Variants in ITGA9 observed in about 807,000 individuals in gnomAD.
ITGA9 encodes the protein integrin alpha-9.
A neutral mutation model predicts 127.8 loss-of-function variants in ITGA9; 56 were observed. The ratio of observed to expected loss-of-function variants is 0.44; its 90% confidence interval spans 0.35 to 0.55. The LOEUF (loss-of-function observed/expected upper bound fraction) is 0.55. ITGA9 is among the 20% of genes least tolerant of loss of function. The pLI, the probability that ITGA9 is intolerant of heterozygous loss-of-function variation, is 0.00. For missense variants in ITGA9, 1,196 were observed against 1,347.1 expected, an observed-to-expected ratio of 0.89 and a Z score of 1.76; for synonymous variants, 508 against 514.5, an observed-to-expected ratio of 0.99 and a Z score of 0.17.
chr3:37,485,729 A>G (rs1285645305), intron 4 of ITGA9, among the ~76,000 whole-genome samples: 2 of 152,192 alleles, frequency 1.3e-5, no homozygotes, highest in Non-Finnish European at 2.9e-5. Context: ...GCACTAGGAC[A>G]TGGCTTCTCA....
chr3:37,544,261 A>G (rs770166892), intron 15 of ITGA9, among the ~76,000 whole-genome samples: 4 of 152,124 alleles, frequency 2.6e-5, no homozygotes, highest in Non-Finnish European at 4.4e-5. Context: ...GGCTGTTTCT[A>G]TGGTGGCCCT....
intron 27 of ITGA9, among the ~76,000 whole-genome samples, chr3:37,816,256 G>A (rs1697431426): frequency 6.6e-6 from 1 of 152,174 alleles, no homozygotes; most frequent in Admixed American, 6.5e-5. Context: ...AGAGTCCTAA[G>A]ACAAATGCAG....
chr3:37,494,171 G>A (rs554055362), intron 4 of ITGA9, among the ~76,000 whole-genome samples: 2 of 152,300 alleles, frequency 1.3e-5, no homozygotes, highest in East Asian at 3.9e-4. Context: ...GGGCCTGCAA[G>A]GGATCTCTGT....
At chr3:37,567,497 T>A (rs1699559190) in intron 15 of ITGA9, among the ~76,000 whole-genome samples, 1 of 151,990 alleles carries the variant, frequency 6.6e-6, no homozygotes, top group Non-Finnish European at 1.5e-5. Context: ...TCCCCCAAAG[T>A]CTTAACTCAT....
chr3:37,594,235 T>C (rs1458532687), intron 15 of ITGA9, among the ~76,000 whole-genome samples: 2 of 152,182 alleles, frequency 1.3e-5, no homozygotes, highest in African/African-American at 4.8e-5. Context: ...CCTGCCTGAC[T>C]GGCAGTCTTC....
intron 5 of ITGA9, among the ~76,000 whole-genome samples, chr3:37,495,397 TCTTA>T (rs1698717465): frequency 6.6e-6 from 1 of 152,252 alleles, no homozygotes; most frequent in Non-Finnish European, 1.5e-5. Flanking sequence ...CTTGTGTCAT[TCTTA>T]CTTACTGTAA....
intron 15 of ITGA9, among the ~76,000 whole-genome samples, chr3:37,546,050 A>G (rs1699323328): frequency 1.3e-5 from 2 of 152,018 alleles, no homozygotes; most frequent in African/African-American, 4.8e-5. Context: ...TTTCTTTCAT[A>G]TTTTTCTCTT....
intron 17 of ITGA9, among the ~76,000 whole-genome samples, chr3:37,670,487 C>G (rs11129769): frequency 0.011 from 1,718 of 152,276 alleles, 40 homozygotes; most frequent in African/African-American, 0.039. Flanking sequence ...TTTGTTTTCA[C>G]TAACTTCACA....
intron 16 of ITGA9, among the ~76,000 whole-genome samples, chr3:37,650,524 T>C (rs1479880475): frequency 6.6e-6 from 1 of 152,084 alleles, no homozygotes; most frequent in Non-Finnish European, 1.5e-5. Flanking sequence ...CTCTCTCTCC[T>C]GGGTTCAAGC....
At chr3:37,513,556 A>T (rs2125577252) in intron 8 of ITGA9, among the ~76,000 whole-genome samples, 1 of 151,984 alleles carries the variant, frequency 6.6e-6, no homozygotes, top group East Asian at 1.9e-4. Context: ...ATTTAACATT[A>T]GGTATATCTC....
chr3:37,722,901 T>A (rs553543123), intron 18 of ITGA9, among the ~76,000 whole-genome samples: 2 of 152,342 alleles, frequency 1.3e-5, no homozygotes, highest in South Asian at 4.1e-4. Flanking sequence ...AGGCTGCTTT[T>A]CAAAGCCACT....
intron 23 of ITGA9, among the ~76,000 whole-genome samples, chr3:37,775,170 G>T (rs1696891579): frequency 6.6e-6 from 1 of 152,134 alleles, no homozygotes; most frequent in South Asian, 2.1e-4. Context: ...ACTTAAATTT[G>T]CAAGAATAAA....
chr3:37,470,130 GT>G (rs1308866415), intron 1 of ITGA9, among the ~76,000 whole-genome samples: 1 of 110,324 alleles, frequency 9.1e-6, no homozygotes, highest in Non-Finnish European at 1.8e-5. Flanking sequence ...GGGCCTTTAG[GT>G]TTCTTCTTGT....
chr3:37,750,676 A>C (rs1258297393), intron 23 of ITGA9, 107 bp downstream of exon 23: 1 of 811,788 alleles, frequency 1.2e-6, no homozygotes, highest in East Asian at 2.5e-5. Flanking sequence ...TGGAAAATTC[A>C]ACTCATTCTA....
chr3:37,507,419 A>G (rs1258100326), intron 7 of ITGA9, among the ~76,000 whole-genome samples: 1 of 152,128 alleles, frequency 6.6e-6, no homozygotes, highest in Non-Finnish European at 1.5e-5. Context: ...CCCTAATTGC[A>G]GAAAACATGA....
chr3:37,610,262 C>A (rs1308466442), intron 15 of ITGA9, among the ~76,000 whole-genome samples: 1 of 152,058 alleles, frequency 6.6e-6, no homozygotes, highest in African/African-American at 2.4e-5. Flanking sequence ...ATTGTATTTA[C>A]CCCAGAGGAA....
At chr3:37,538,130 C>G in intron 14 of ITGA9, among the ~76,000 whole-genome samples, 1 of 152,240 alleles carries the variant, frequency 6.6e-6, no homozygotes, top group East Asian at 1.9e-4. Flanking sequence ...AAGGGGCGCT[C>G]TCTGAGTGAT....
chr3:37,523,010 C>T (rs367771058), intron 11 of ITGA9, among the ~76,000 whole-genome samples: 4 of 152,258 alleles, frequency 2.6e-5, no homozygotes, highest in East Asian at 3.9e-4. Flanking sequence ...AGGTAGTTTC[C>T]ACATGGCCAT....
At chr3:37,653,526 CTT>C (rs1481437001) in intron 16 of ITGA9, among the ~76,000 whole-genome samples, 186 bp from the exon 17 acceptor site, 5 of 152,284 alleles carry the variant, frequency 3.3e-5, no homozygotes, top group Middle Eastern at 3.4e-3. Flanking sequence ...CCACAGTTGA[CTT>C]AGGCTTCCTT....
Sources: gnomAD v4.1 joint callset for allele counts (sites outside exome capture counted in the v4.1 genomes callset) on GRCh38, gnomAD v4.1.1 for gene constraint, MANE v1.5 for transcripts, NCBI Gene and HGNC (gene_info 2026-07-23, HGNC 2026-07-21) for gene names.